Variants in TAF4B observed in about 807,000 individuals in gnomAD.
The protein encoded by TAF4B is TATA-box binding protein associated factor 4b.
A neutral mutation model predicts 86.4 loss-of-function variants in TAF4B; 38 were observed. The observed-to-expected ratio is 0.44, with a 90% CI of 0.34 to 0.58. The LOEUF is 0.58. Among genes scored for constraint, TAF4B ranks in the 20% least tolerant of loss-of-function variants. The pLI is 0.02. For synonymous variants in TAF4B, 388 were observed against 391.2 expected (o/e 0.99, Z 0.10); for missense variants, 988 against 1,027.6 (o/e 0.96, Z 0.53).
intron 13 of TAF4B, among the ~76,000 whole-genome samples, chr18:26,353,768 A>G (rs542977272): frequency 1.4e-4 from 21 of 152,344 alleles, no homozygotes; most frequent in Non-Finnish European, 2.8e-4. Flanking sequence ...AGGAAAGACA[A>G]ATAGATTGGA....
At chr18:26,289,958 CTG>C (rs1412299903) in intron 7 of TAF4B, among the ~76,000 whole-genome samples, 6 of 152,156 alleles carry the variant, frequency 3.9e-5, no homozygotes, top group South Asian at 4.1e-4. Flanking sequence ...TAAAATAAAA[CTG>C]TGTTATATTT....
rs73946310 is a variant in TAF4B, at chr18:26,228,817, G to A, written c.343+1541G>A. On this transcript the variant is annotated intron_variant, in intron 1 of 14. Coordinates refer to ENST00000269142, the MANE Select transcript of TAF4B (RefSeq NM_005640.3). ...AAAGAACTGTCAAGAGTGAAAATTT[G>A]CTGGTAAGTGAGAGTGAATCACTTA... Among the ~76,000 whole-genome samples the A allele has an allele frequency of 9.4e-3, 1,428 of 151,956 alleles. 25 individuals carry two copies. The highest frequency in any genetic ancestry group is 0.032 in the African/African-American group (1,323 of 41,456).
At chr18:26,389,327 C>T (rs1384216412) in intron 14 of TAF4B, among the ~76,000 whole-genome samples, 1 of 152,182 alleles carries the variant, frequency 6.6e-6, no homozygotes, top group Admixed American at 6.5e-5. Flanking sequence ...CAATGGGAAC[C>T]ATTGAAGATT....
chr18:26,337,728 T>C (rs2144701460), intron 13 of TAF4B, among the ~76,000 whole-genome samples: 1 of 152,082 alleles, frequency 6.6e-6, no homozygotes, highest in East Asian at 1.9e-4. Context: ...TGGCTAACCA[T>C]ATCTTAATAG....
At position 26,281,987 on chromosome 18, in the gene TAF4B, C is replaced by A. The variant is rs1045785515; in HGVS notation, c.899C>A (p.Ala300Glu). ...VEQLLDAKIE[A>E]EEFTRKLYVE... ...ATCCCTCAGGATGCAAAAATCGAAG[C>A]AGAAGAATTTACTAGGAAACTGTAT... The change falls in exon 6 of 15, where the codon GCA becomes GAA. Residue 300 changes from alanine to glutamate, a missense_variant. This residue lies in a region of TAF4B where 747 missense variants were observed against 737.9 expected (regional missense o/e 1.01). Transcript: ENST00000269142. 1.9e-6 allele frequency: 3 copies of A among 1,612,640 alleles called. No individual in the cohort carries two copies. In the African/African-American group the frequency reaches 4.0e-5, roughly 22 times the overall value.
At chr18:26,307,038 C>G (rs1280888993) in intron 9 of TAF4B, among the ~76,000 whole-genome samples, 3 of 152,092 alleles carry the variant, frequency 2.0e-5, no homozygotes, top group African/African-American at 4.8e-5. Context: ...ATCCACCTGC[C>G]TCGGCCTCCC....
intron 13 of TAF4B, among the ~76,000 whole-genome samples, chr18:26,350,048 A>G (rs2057232304): frequency 6.6e-6 from 1 of 152,210 alleles, no homozygotes; most frequent in Non-Finnish European, 1.5e-5. Flanking sequence ...CTCTTACCCT[A>G]TTAAAAAGTC....
chr18:26,313,102 T>G (rs2056869018), intron 9 of TAF4B, among the ~76,000 whole-genome samples: 5 of 152,136 alleles, frequency 3.3e-5, no homozygotes, highest in Admixed American at 3.3e-4. Context: ...AGTCTCTTTG[T>G]TCCATGTCAG....
At chr18:26,257,842 CGT>C (rs57275139) in intron 1 of TAF4B, among the ~76,000 whole-genome samples, 29,174 of 141,092 alleles carry the variant, frequency 0.21, 3,093 homozygotes, top group Non-Finnish European at 0.27. Context: ...CCTCTGCGTG[CGT>C]GTGTGTGTGT....
At chr18:26,252,537 T>A (rs189871808) in intron 1 of TAF4B, among the ~76,000 whole-genome samples, 1 of 152,128 alleles carries the variant, frequency 6.6e-6, no homozygotes, top group Non-Finnish European at 1.5e-5. Context: ...TTAAATCGTG[T>A]GCCATTCTGA....
At chr18:26,240,611 C>A (rs1404604662) in intron 1 of TAF4B, among the ~76,000 whole-genome samples, 1 of 152,222 alleles carries the variant, frequency 6.6e-6, no homozygotes, top group East Asian at 1.9e-4. Context: ...GCCAGAACTT[C>A]CAACACTATG....
At chr18:26,361,421 G>A (rs556056384) in intron 14 of TAF4B, among the ~76,000 whole-genome samples, 1 of 151,212 alleles carries the variant, frequency 6.6e-6, no homozygotes, top group South Asian at 2.1e-4. Context: ...CACACTCTTG[G>A]CCCCAAATCT....
intron 1 of TAF4B, among the ~76,000 whole-genome samples, chr18:26,246,870 G>A (rs1347279983): frequency 6.8e-6 from 1 of 146,738 alleles, no homozygotes. Flanking sequence ...TGTTTTCTGA[G>A]ATATAGTTTC....
intron 11 of TAF4B, among the ~76,000 whole-genome samples, chr18:26,325,147 C>T (rs150898701): frequency 2.0e-5 from 3 of 152,302 alleles, no homozygotes; most frequent in Admixed American, 6.5e-5. Flanking sequence ...ACATGTAGTA[C>T]AGAGCTTTTG....
At chr18:26,377,817 C>CA (rs1300088058) in intron 14 of TAF4B, among the ~76,000 whole-genome samples, 1 of 152,152 alleles carries the variant, frequency 6.6e-6, no homozygotes, top group Non-Finnish European at 1.5e-5. Flanking sequence ...GACATGCTTT[C>CA]AGTGGTTGTA....
chr18:26,387,647 C>T (rs1978452907), intron 14 of TAF4B, among the ~76,000 whole-genome samples: 1 of 152,142 alleles, frequency 6.6e-6, no homozygotes, highest in Non-Finnish European at 1.5e-5. Context: ...ACCAAGAACC[C>T]TGCAGAAGTG....
At chr18:26,383,950 T>G (rs1439850010) in intron 14 of TAF4B, among the ~76,000 whole-genome samples, 1 of 152,218 alleles carries the variant, frequency 6.6e-6, no homozygotes, top group Non-Finnish European at 1.5e-5. Flanking sequence ...GAAGCTTGGG[T>G]ATTGTGAATA....
intron 11 of TAF4B, among the ~76,000 whole-genome samples, chr18:26,322,820 G>A (rs1277069121): frequency 1.3e-5 from 2 of 151,876 alleles, no homozygotes; most frequent in African/African-American, 2.4e-5. Context: ...TTCATAAGAT[G>A]TAAAGTTAGG....
chr18:26,236,435 T>G (rs1349868410), intron 1 of TAF4B, among the ~76,000 whole-genome samples: 1 of 152,188 alleles, frequency 6.6e-6, no homozygotes, highest in African/African-American at 2.4e-5. Context: ...GTGAGGATGA[T>G]GACATGAGCT....
Sources: gnomAD v4.1 joint callset for allele counts (sites outside exome capture counted in the v4.1 genomes callset) on GRCh38, gnomAD v4.1.1 for gene constraint, gnomAD v4.1.1 regional missense constraint, MANE v1.5 for transcripts, NCBI Gene and HGNC (gene_info 2026-07-23, HGNC 2026-07-21) for gene names.